The following CCSER2 variants were observed in gnomAD, a reference collection of about 807,000 sequenced individuals.
CCSER2 encodes the protein coiled-coil serine rich protein 2, also known as serine-rich coiled-coil domain-containing protein 2.
In CCSER2, 46 loss-of-function variants were observed where a neutral mutation model predicts 92.3. The ratio of observed to expected loss-of-function variants is 0.50; its 90% confidence interval spans 0.39 to 0.64. CCSER2 has a LOEUF of 0.64. CCSER2 is among the 30% of genes least tolerant of loss of function. The probability of loss-of-function intolerance (pLI) is 0.00; values close to 1 mark genes in which losing one functional copy is unlikely to be tolerated. For missense variants in CCSER2, 1,244 were observed against 1,238.9 expected (o/e 1.00, Z -0.06); for synonymous variants, 433 against 431.4 (o/e 1.00, Z -0.04).
chr10:84,454,185 T>G (rs1276764428), intron 6 of CCSER2, among the ~76,000 whole-genome samples: 2 of 152,148 alleles, frequency 1.3e-5, no homozygotes, highest in Non-Finnish European at 2.9e-5. Flanking sequence ...CAGCAATCCT[T>G]GGGATTCCTT....
chr10:84,364,605 A>T (rs1025375534), intron 1 of CCSER2, among the ~76,000 whole-genome samples: 5 of 152,230 alleles, frequency 3.3e-5, no homozygotes, highest in African/African-American at 9.6e-5. Context: ...TGAAGTGGTA[A>T]GCATGGTACC....
At chr10:84,505,071 G>A (rs997735962) in intron 9 of CCSER2, among the ~76,000 whole-genome samples, 3 of 151,980 alleles carry the variant, frequency 2.0e-5, no homozygotes, top group Non-Finnish European at 4.4e-5. Context: ...TAAATATTAT[G>A]TTATAAAGTT....
chr10:84,381,917 C>CAAAA (rs544545707), intron 3 of CCSER2, among the ~76,000 whole-genome samples: 21 of 120,000 alleles, frequency 1.7e-4, no homozygotes, highest in Admixed American at 2.7e-4. Flanking sequence ...AAGGCTTTCT[C>CAAAA]AAAAAAAAAA....
At chr10:84,495,273 C>CAA (rs1848389116) in intron 9 of CCSER2, among the ~76,000 whole-genome samples, 1 of 150,514 alleles carries the variant, frequency 6.6e-6, no homozygotes, top group Admixed American at 6.6e-5. Flanking sequence ...ATATTCTTGT[C>CAA]ATCTTTCTGT....
At chr10:84,367,149 C>G (rs1291795418) in intron 1 of CCSER2, among the ~76,000 whole-genome samples, 2 of 151,874 alleles carry the variant, frequency 1.3e-5, no homozygotes, top group African/African-American at 2.4e-5. Context: ...CTTGGTATTT[C>G]ATTAACTTAA....
chr10:84,470,717 C>G (rs2133708480), intron 8 of CCSER2, among the ~76,000 whole-genome samples: 1 of 152,072 alleles, frequency 6.6e-6, no homozygotes, highest in East Asian at 1.9e-4. Context: ...AATTTACATT[C>G]ATTTTGTTGA....
intron 5 of CCSER2, among the ~76,000 whole-genome samples, chr10:84,426,943 C>G (rs2133439852): frequency 6.6e-6 from 1 of 152,202 alleles, no homozygotes; most frequent in East Asian, 1.9e-4. Context: ...GGTCCCTGGT[C>G]AAATTAGTAT....
chr10:84,352,256 A>G (rs1302862889), intron 1 of CCSER2, among the ~76,000 whole-genome samples: 5 of 152,108 alleles, frequency 3.3e-5, no homozygotes, highest in African/African-American at 1.2e-4. Context: ...GTGAGCCAAG[A>G]TTGCGTCACT....
At chr10:84,385,268 G>C (rs1023926437) in intron 3 of CCSER2, among the ~76,000 whole-genome samples, 10 of 151,906 alleles carry the variant, frequency 6.6e-5, no homozygotes, top group Non-Finnish European at 1.3e-4. Flanking sequence ...TAAAATTCAA[G>C]TGGAACCAAA....
chr10:84,351,056 T>C (rs1322756555), intron 1 of CCSER2, among the ~76,000 whole-genome samples: 1 of 152,206 alleles, frequency 6.6e-6, no homozygotes, highest in Non-Finnish European at 1.5e-5. Context: ...AATATAACTG[T>C]AGAACTGTGG....
intron 4 of CCSER2, chr10:84,425,017 A>G: frequency 1.0e-6 from 1 of 983,332 alleles, no homozygotes; most frequent in South Asian, 4.7e-5. Context: ...TCTCTTAGTG[A>G]GTGCTCAGAT....
chr10:84,501,597 C>T (rs1848723102), intron 9 of CCSER2, among the ~76,000 whole-genome samples: 1 of 151,118 alleles, frequency 6.6e-6, no homozygotes, highest in Non-Finnish European at 1.5e-5. Context: ...TTCCTTGATT[C>T]AGTGGCTCTC....
At position 84,328,656 on chromosome 10, in the gene CCSER2, C is replaced by G. The variant is rs1225013129; in HGVS notation, c.-192C>G. The G allele has an allele frequency of 6.6e-6, 1 of 150,738 alleles. No individual in the cohort carries two copies. Among genetic ancestry groups the G allele is most frequent in the Non-Finnish European group, 1.5e-5 (1 of 67,650 alleles). 9.3% of individuals were successfully genotyped at this position (150,738 alleles called of 1,614,324 possible). ...TTTGGAGTCCGGCGCTCCCTCAGGC[C>G]GCGGACGCGATGCTGGTTGCTGCGG... On this transcript the variant is annotated 5_prime_UTR_variant, in exon 1 of 10. Coordinates refer to ENST00000372088, the MANE Select transcript of CCSER2 (RefSeq NM_001284240.2).
chr10:84,489,393 A>G (rs1024029636), intron 9 of CCSER2, among the ~76,000 whole-genome samples: 3 of 152,104 alleles, frequency 2.0e-5, no homozygotes, highest in African/African-American at 7.2e-5. Context: ...CTAGGTCTCT[A>G]AGGACTTGCT....
rs756430449 is a variant in CCSER2, at chr10:84,514,080, G to C, written c.2957G>C (p.Gly986Ala). The C allele has an allele frequency of 1.1e-5, 17 of 1,535,834 alleles. No individual in the cohort carries two copies. The East Asian group carries it at 4.2e-4, about 38-fold the overall frequency. The change falls in exon 10 of 10, where the codon GGC becomes GCC. Residue 986 changes from glycine (G) to alanine (A), a missense_variant. By Grantham distance (60) the Gly-to-Ala change is moderately conservative (BLOSUM62 0). Transcript: ENST00000372088. ...LKASKLRPPS[G>A]SFKQKQTNSP... ...GCATCTAAGCTCCGCCCCCCCTCAG[G>C]CTCTTTCAAACAAAAACAAACAAAC...
intron 4 of CCSER2, among the ~76,000 whole-genome samples, chr10:84,420,799 G>A (rs1843105624): frequency 6.6e-6 from 1 of 152,038 alleles, no homozygotes; most frequent in Non-Finnish European, 1.5e-5. Flanking sequence ...CGGGCGTGGA[G>A]GCACGTGCCT....
chr10:84,439,782 T>G (rs1258832742), intron 6 of CCSER2, among the ~76,000 whole-genome samples: 2 of 152,198 alleles, frequency 1.3e-5, no homozygotes, highest in Non-Finnish European at 2.9e-5. Context: ...GAGGCAGAAA[T>G]AAATTATATG....
At chr10:84,496,562 G>C (rs1372355960) in intron 9 of CCSER2, among the ~76,000 whole-genome samples, 7 of 152,014 alleles carry the variant, frequency 4.6e-5, no homozygotes. Flanking sequence ...TGGGATTACA[G>C]GCATGAGCCA....
intron 1 of CCSER2, among the ~76,000 whole-genome samples, chr10:84,360,274 T>A (rs1253168814): frequency 1.3e-5 from 2 of 152,242 alleles, no homozygotes; most frequent in East Asian, 3.8e-4. Context: ...TGATATTTAA[T>A]GGAGTGTTTC....
Sources: gnomAD v4.1 joint callset for allele counts (sites outside exome capture counted in the v4.1 genomes callset) on GRCh38, gnomAD v4.1.1 for gene constraint, MANE v1.5 for transcripts, NCBI Gene and HGNC (gene_info 2026-07-23, HGNC 2026-07-21) for gene names.